The following TJP2 variants were observed in gnomAD, a reference collection of about 807,000 sequenced individuals.
TJP2 encodes the protein tight junction protein 2, also known as Friedreich ataxia region gene X104 (tight junction protein ZO-2).
TJP2 carries 91 observed loss-of-function variants against 133.1 expected under a neutral mutation model. That is an observed-to-expected ratio of 0.68 (90% CI 0.58 to 0.81). The LOEUF is 0.81. Among genes scored for constraint, TJP2 ranks in the 40% least tolerant of loss-of-function variants. TJP2 has a pLI of 0.00. For synonymous variants in TJP2, 592 were observed against 583.4 expected (o/e 1.01, Z -0.21); for missense variants, 1,541 against 1,565.6 (o/e 0.98, Z 0.26).
At chr9:69,159,157 G>GA (rs992403680) in intron 2 of TJP2, among the ~76,000 whole-genome samples, 4 of 150,498 alleles carry the variant, frequency 2.7e-5, no homozygotes, top group Non-Finnish European at 4.4e-5. Flanking sequence ...ATACCAAAAA[G>GA]AAAAAAAAAT....
chr9:69,202,906 T>C (rs996202659), intron 1 of TJP2, among the ~76,000 whole-genome samples: 3 of 152,076 alleles, frequency 2.0e-5, no homozygotes, highest in Admixed American at 2.0e-4. Flanking sequence ...AGATAATAAA[T>C]TTTAGGTTAT....
In TJP2 at chr9:69,251,197, C is replaced by T. The variant is rs1385617144; in HGVS notation, c.3154C>T (p.Pro1052Ser). 6.2e-7 allele frequency: 1 copy of T among 1,614,108 alleles called. No homozygotes were observed. The highest frequency in any genetic ancestry group is 8.5e-7 in the Non-Finnish European group (1 of 1,180,014). Residue 1052 changes from proline (P) to serine (S), a missense_variant, in exon 21 of 23, where the codon CCC (proline) becomes TCC (serine). Pro to Ser is a moderately conservative substitution (Grantham distance 74). Transcript: ENST00000377245. ...KPTFGRSILK[P>S]STPIPPQEGE... Reference sequence around the variant, plus strand: ...TACCTTTGGGCGGTCTATACTGAAGCCCTCCACTCCCATCCCTCCTCAAGA... The same window carrying T: ...TACCTTTGGGCGGTCTATACTGAAGTCCTCCACTCCCATCCCTCCTCAAGA...
At chr9:69,173,812 G>A (rs1824830475), upstream of TJP2, among the ~76,000 whole-genome samples, 1 of 152,190 alleles carries the variant, frequency 6.6e-6, no homozygotes. Flanking sequence ...CGACCTCACC[G>A]GGGAAACACC....
Position 69,205,973 on chromosome 9 carries a change from A to G in TJP2, c.61-6575A>G, listed in dbSNP as rs147585666. On this transcript the variant is annotated intron_variant, in intron 1 of 22. Coordinates refer to ENST00000377245, the MANE Select transcript of TJP2 (RefSeq NM_004817.4). ...TGGCCAAGATTTTTCAAAGGAAAAA[A>G]GCTTTATAAAAAGATTAAAAAAAAA... is the stretch of plus-strand genomic sequence containing the variant. Among the ~76,000 whole-genome samples, 1,440 of 152,286 alleles carry G rather than the reference A, an allele frequency of 9.5e-3. 30 individuals are homozygous for G. The highest frequency in any genetic ancestry group is 0.032 in the African/African-American group (1,328 of 41,552).
At chr9:69,121,281 C>G (rs1161009094), upstream of TJP2, 5 of 985,308 alleles carry the variant, frequency 5.1e-6, no homozygotes, top group East Asian at 5.7e-4. Flanking sequence ...TCCGCCTTTC[C>G]CGACACCCCA....
chr9:69,157,561 G>T, intron 2 of TJP2, among the ~76,000 whole-genome samples: 1 of 151,924 alleles, frequency 6.6e-6, no homozygotes, highest in Non-Finnish European at 1.5e-5. Context: ...CACCTCCCGG[G>T]TTCAAGCAAT....
At chr9:69,250,687 G>A (rs571800669) in intron 20 of TJP2, among the ~76,000 whole-genome samples, 4 of 152,256 alleles carry the variant, frequency 2.6e-5, no homozygotes, top group African/African-American at 9.6e-5. Context: ...CCCACTCTTC[G>A]AGTCCCAAAG....
intron 1 of TJP2, among the ~76,000 whole-genome samples, chr9:69,176,767 C>G (rs917228848): frequency 2.6e-5 from 4 of 152,192 alleles, no homozygotes; most frequent in Admixed American, 2.0e-4. Flanking sequence ...TGAGAACTTT[C>G]TGCATACTGC....
intron 1 of TJP2, among the ~76,000 whole-genome samples, chr9:69,187,817 G>A (rs553769891): frequency 3.3e-5 from 5 of 152,270 alleles, no homozygotes; most frequent in African/African-American, 1.2e-4. Flanking sequence ...CAGTAAATAG[G>A]GGAAGGTGAA....
At chr9:69,238,843 G>T in intron 16 of TJP2, 54 bp downstream of exon 16, 1 of 1,415,026 alleles carries the variant, frequency 7.1e-7, no homozygotes, top group Admixed American at 1.7e-5. Context: ...ATTATGGTTT[G>T]CTGCAGTCAC....
At chr9:69,126,503 G>T (rs1387733410) in intron 1 of TJP2, among the ~76,000 whole-genome samples, 1 of 77,414 alleles carries the variant, frequency 1.3e-5, no homozygotes, top group Non-Finnish European at 3.0e-5. Flanking sequence ...GGCTTTAGGT[G>T]TGGAAGAACT....
chr9:69,136,195 C>G (rs1822723477), intron 1 of TJP2, among the ~76,000 whole-genome samples: 1 of 151,978 alleles, frequency 6.6e-6, no homozygotes, highest in South Asian at 2.1e-4. Flanking sequence ...TCAAATGTGT[C>G]TCGTGGCTGA....
chr9:69,211,877 C>T (rs1827939677), intron 1 of TJP2, among the ~76,000 whole-genome samples: 1 of 152,154 alleles, frequency 6.6e-6, no homozygotes, highest in South Asian at 2.1e-4. Context: ...GCTGGCTTAT[C>T]TCTGTGGTTC....
At chr9:69,184,007 G>A (rs1419577044) in intron 1 of TJP2, among the ~76,000 whole-genome samples, 2 of 152,154 alleles carry the variant, frequency 1.3e-5, no homozygotes, top group South Asian at 2.1e-4. Flanking sequence ...GAGCCACCAC[G>A]CCCAGCCAGG....
intron 1 of TJP2, among the ~76,000 whole-genome samples, chr9:69,130,756 G>T (rs1822460442): frequency 6.6e-6 from 1 of 152,138 alleles, no homozygotes; most frequent in South Asian, 2.1e-4. Context: ...GGAATACTGT[G>T]GGGAGGGGTG....
chr9:69,193,336 A>G (rs1331430533), intron 1 of TJP2, among the ~76,000 whole-genome samples: 1 of 152,014 alleles, frequency 6.6e-6, no homozygotes, highest in Non-Finnish European at 1.5e-5. Context: ...CACCTAGTGG[A>G]TAATACATCT....
At chr9:69,246,939 C>A in intron 18 of TJP2, 149 bp downstream of exon 18, 1 of 742,264 alleles carries the variant, frequency 1.3e-6, no homozygotes, top group Non-Finnish European at 2.4e-6. Context: ...ATTCTCTGAC[C>A]AAGTAATAAA....
intron 1 of TJP2, among the ~76,000 whole-genome samples, chr9:69,211,806 A>G (rs1469370783): frequency 2.6e-5 from 4 of 151,834 alleles, no homozygotes; most frequent in Non-Finnish European, 4.4e-5. Flanking sequence ...TAATAGATCC[A>G]CCCAGACCTG....
At chr9:69,231,477 A>G (rs1196693986) in intron 11 of TJP2, among the ~76,000 whole-genome samples, 1 of 151,796 alleles carries the variant, frequency 6.6e-6, no homozygotes, top group African/African-American at 2.4e-5. Flanking sequence ...TTTCTTGTTA[A>G]TGTTAGTAAA....
Sources: gnomAD v4.1 joint callset for allele counts (sites outside exome capture counted in the v4.1 genomes callset) on GRCh38, gnomAD v4.1.1 for gene constraint, MANE v1.5 for transcripts, NCBI Gene and HGNC (gene_info 2026-07-23, HGNC 2026-07-21) for gene names.